The following FHIT variants were observed in gnomAD, a reference collection of about 807,000 sequenced individuals.
The protein encoded by FHIT is bis(5'-adenosyl)-triphosphatase.
A neutral mutation model predicts 17.9 loss-of-function variants in FHIT; 19 were observed. That is an observed-to-expected ratio of 1.06 (90% confidence interval 0.74 to 1.56). The LOEUF (loss-of-function observed/expected upper bound fraction) is 1.56, where lower values mean the gene tolerates loss of function less well. FHIT is among the 40% of genes most tolerant of loss of function. The probability of loss-of-function intolerance (pLI) is 0.00; values close to 1 mark genes in which losing one functional copy is unlikely to be tolerated. For missense variants in FHIT, 248 were observed against 189.2 expected, an observed-to-expected ratio of 1.31 and a Z score of -1.82; for synonymous variants, 81 against 69.7, an observed-to-expected ratio of 1.16 and a Z score of -0.81.
intron 2 of FHIT, among the ~76,000 whole-genome samples, chr3:61,196,057 T>C (rs1459971847): frequency 6.6e-6 from 1 of 152,162 alleles, no homozygotes; most frequent in Non-Finnish European, 1.5e-5. Context: ...TATAACTATG[T>C]CAGGAGGCTG....
intron 3 of FHIT, among the ~76,000 whole-genome samples, chr3:60,964,571 T>G (rs1709619338): frequency 6.6e-6 from 1 of 152,172 alleles, no homozygotes. Context: ...TGGCTGTTAC[T>G]GGTTGTTCCT....
intron 5 of FHIT, among the ~76,000 whole-genome samples, chr3:60,469,687 G>C (rs895717402): frequency 2.6e-5 from 4 of 151,974 alleles, no homozygotes; most frequent in African/African-American, 9.7e-5. Flanking sequence ...ATGTTTTTCT[G>C]GAAGGTCTTG....
chr3:59,799,157 G>A lies in FHIT; in HGVS notation c.349-46836C>T, dbSNP rs538832990. On this transcript the variant is annotated intron_variant, in intron 8 of 9. Transcript: ENST00000492590. ...CATCTCTCAGAAAATACCATTCTTA[G>A]TAGAATAAACCTTCTTTGAAGGCGT... is the stretch of plus-strand genomic sequence containing the variant. 5.1e-4 allele frequency among the ~76,000 whole-genome samples: 77 copies of A among 152,262 alleles called. 1 individual carries two copies. Among genetic ancestry groups the A allele is most frequent in the Middle Eastern group, 3.4e-3 (1 of 294 alleles).
At chr3:60,443,934 A>G (rs2031122209) in intron 5 of FHIT, among the ~76,000 whole-genome samples, 1 of 152,144 alleles carries the variant, frequency 6.6e-6, no homozygotes, top group Non-Finnish European at 1.5e-5. Flanking sequence ...AATTTTTGCA[A>G]TCTACTCATC....
chr3:60,211,394 T>C (rs1703447726), intron 5 of FHIT, among the ~76,000 whole-genome samples: 1 of 152,100 alleles, frequency 6.6e-6, no homozygotes, highest in Non-Finnish European at 1.5e-5. Context: ...GAAGTTATAC[T>C]ACTTTGAACA....
intron 4 of FHIT, among the ~76,000 whole-genome samples, chr3:60,631,435 T>C (rs1399227441): frequency 6.6e-6 from 1 of 152,150 alleles, no homozygotes; most frequent in Non-Finnish European, 1.5e-5. Context: ...GATTTACATC[T>C]AGGGGATCCA....
At chr3:60,014,897 C>A in intron 5 of FHIT, among the ~76,000 whole-genome samples, 1 of 151,944 alleles carries the variant, frequency 6.6e-6, no homozygotes, top group East Asian at 1.9e-4. Flanking sequence ...TTGGTCTCAG[C>A]AACATATAAG....
At chr3:60,304,666 T>A (rs1487637833) in intron 5 of FHIT, among the ~76,000 whole-genome samples, 1 of 152,150 alleles carries the variant, frequency 6.6e-6, no homozygotes, top group Admixed American at 6.5e-5. Context: ...GTGCCATATA[T>A]TGCATGGGAC....
chr3:60,072,540 T>C (rs1254432269), intron 5 of FHIT, among the ~76,000 whole-genome samples: 1 of 152,228 alleles, frequency 6.6e-6, no homozygotes, highest in East Asian at 1.9e-4. Flanking sequence ...GTTTTACACA[T>C]TCCATATATT....
chr3:60,657,162 A>G (rs2682956), intron 4 of FHIT, among the ~76,000 whole-genome samples: 71,182 of 151,996 alleles, frequency 0.47, 18,243 homozygotes, highest in Non-Finnish European at 0.59. Context: ...GTTCTCTTGG[A>G]GCTATAATAA....
intron 5 of FHIT, among the ~76,000 whole-genome samples, chr3:60,140,545 A>T (rs893479036): frequency 6.6e-6 from 1 of 151,760 alleles, no homozygotes; most frequent in African/African-American, 2.4e-5. Flanking sequence ...TGGAGGAATC[A>T]GAGCCCATGG....
intron 1 of FHIT, among the ~76,000 whole-genome samples, chr3:61,213,990 G>T (rs756088051): frequency 1.1e-4 from 17 of 152,084 alleles, no homozygotes; most frequent in Middle Eastern, 3.4e-3. Flanking sequence ...CAGAATCTCT[G>T]GGACCCATTC....
chr3:60,688,438 GT>G (rs575285487), intron 4 of FHIT, among the ~76,000 whole-genome samples: 24 of 136,944 alleles, frequency 1.8e-4, no homozygotes, highest in Non-Finnish European at 2.8e-4. Context: ...TTTTTTTTTT[GT>G]TTTTTTTTTT....
chr3:61,078,195 A>G (rs79778624), intron 2 of FHIT, among the ~76,000 whole-genome samples: 9,157 of 152,240 alleles, frequency 0.06, 359 homozygotes, highest in Middle Eastern at 0.17. Context: ...TTCTAAATAT[A>G]TAAATCCCAG....
At chr3:60,146,441 C>G (rs1045396743) in intron 5 of FHIT, among the ~76,000 whole-genome samples, 9 of 151,974 alleles carry the variant, frequency 5.9e-5, no homozygotes, top group African/African-American at 2.2e-4. Flanking sequence ...CCTCTCTTCT[C>G]TTTTTCCTGC....
chr3:60,720,974 T>C (rs1553707917), intron 4 of FHIT, among the ~76,000 whole-genome samples: 2 of 152,120 alleles, frequency 1.3e-5, no homozygotes, highest in Non-Finnish European at 2.9e-5. Flanking sequence ...TGAACTACTG[T>C]TGGGAGGAAG....
At chr3:60,390,472 T>C (rs1410388932) in intron 5 of FHIT, among the ~76,000 whole-genome samples, 4 of 149,550 alleles carry the variant, frequency 2.7e-5, no homozygotes, top group Non-Finnish European at 5.9e-5. Flanking sequence ...TTAACGATTA[T>C]TTTAGAGTCT....
chr3:60,854,868 G>C (rs782294858), intron 3 of FHIT, among the ~76,000 whole-genome samples: 1 of 152,156 alleles, frequency 6.6e-6, no homozygotes, highest in African/African-American at 2.4e-5. Context: ...TGTTAGGAAA[G>C]AATGGATGTA....
intron 3 of FHIT, among the ~76,000 whole-genome samples, chr3:60,950,332 A>T (rs376610919): frequency 6.6e-6 from 1 of 152,230 alleles, no homozygotes; most frequent in African/African-American, 2.4e-5. Flanking sequence ...ATTTATTGAG[A>T]GCTGTTATCT....
Sources: gnomAD v4.1 joint callset for allele counts (sites outside exome capture counted in the v4.1 genomes callset) on GRCh38, gnomAD v4.1.1 for gene constraint, MANE v1.5 for transcripts, NCBI Gene and HGNC (gene_info 2026-07-23, HGNC 2026-07-21) for gene names.